ASAP3: variants seen among roughly 807,000 people sequenced by gnomAD.
ASAP3 encodes arf-GAP with SH3 domain, ANK repeat and PH domain-containing protein 3.
Under a neutral mutation model 118.2 loss-of-function variants are expected in ASAP3, and 85 were observed. That is an observed-to-expected ratio of 0.72 (90% CI 0.60 to 0.86). The LOEUF is 0.86. Ranked by LOEUF, ASAP3 falls within the 40% of genes least tolerant of loss-of-function variation. The pLI, the probability that ASAP3 is intolerant of heterozygous loss-of-function variation, is 0.00. For missense variants in ASAP3, 1,026 were observed against 1,175.0 expected, an observed-to-expected ratio of 0.87 and a Z score of 1.85; for synonymous variants, 432 against 477.4, an observed-to-expected ratio of 0.90 and a Z score of 1.24.
chr1:23,450,261 G>A (rs1641172551), intron 5 of ASAP3, among the ~76,000 whole-genome samples: 1 of 152,042 alleles, frequency 6.6e-6, no homozygotes. Flanking sequence ...TTATGAGTAG[G>A]GACAAATATT....
chr1:23,463,605 T>A (rs555114878), intron 1 of ASAP3, among the ~76,000 whole-genome samples: 38 of 152,324 alleles, frequency 2.5e-4, no homozygotes, highest in African/African-American at 9.1e-4. Context: ...TTTATTTTTT[T>A]ATTTTTTTAT....
At chr1:23,440,859 A>G (rs1301848415) in intron 10 of ASAP3, among the ~76,000 whole-genome samples, 3 of 149,900 alleles carry the variant, frequency 2.0e-5, no homozygotes, top group Admixed American at 6.6e-5. Flanking sequence ...CTATCTCAAA[A>G]AAAAAAAAAA....
chr1:23,475,869 C>A (rs1558188166), intron 1 of ASAP3, among the ~76,000 whole-genome samples: 1 of 152,140 alleles, frequency 6.6e-6, no homozygotes, highest in Non-Finnish European at 1.5e-5. Context: ...ACGAGGATTG[C>A]TTAAGCCCAG....
intron 3 of ASAP3, among the ~76,000 whole-genome samples, chr1:23,454,260 C>T (rs1000370553): frequency 4.7e-5 from 7 of 150,294 alleles, no homozygotes; most frequent in Admixed American, 3.3e-4. Context: ...GATCTCAGCT[C>T]ACTGCCACCT....
intron 1 of ASAP3, among the ~76,000 whole-genome samples, chr1:23,465,835 T>C (rs991600483): frequency 6.6e-6 from 1 of 152,056 alleles, no homozygotes; most frequent in African/African-American, 2.4e-5. Context: ...ACTAGCCAAA[T>C]CCAGGGCCAA....
chr1:23,447,141 G>C (rs1641072181), intron 5 of ASAP3, among the ~76,000 whole-genome samples: 1 of 152,204 alleles, frequency 6.6e-6, no homozygotes, highest in African/African-American at 2.4e-5. Context: ...GTTCAGTCCA[G>C]GTTCCTAACA....
chr1:23,457,733 A>ACAC (rs1641433603), intron 1 of ASAP3, among the ~76,000 whole-genome samples: 1 of 152,132 alleles, frequency 6.6e-6, no homozygotes, highest in South Asian at 2.1e-4. Context: ...GGTTGGTCTC[A>ACAC]AACTCCTGAC....
intron 1 of ASAP3, among the ~76,000 whole-genome samples, chr1:23,456,527 G>A (rs1241133198): frequency 6.6e-6 from 1 of 152,200 alleles, no homozygotes; most frequent in South Asian, 2.1e-4. Context: ...AGTAGCTGGT[G>A]TGTCCGTTAG....
intron 23 of ASAP3, 41 bp downstream of exon 23, chr1:23,431,655 C>A: frequency 6.7e-7 from 1 of 1,496,428 alleles, no homozygotes; most frequent in South Asian, 1.4e-5. Flanking sequence ...TCAGAGAAGT[C>A]AGGGGATTTG....
In ASAP3 at chr1:23,430,022, ATAAAT is replaced by A. The variant is rs1458344103; in HGVS notation, c.2638-97_2638-93del. ...CAGTTTCACATCTGTCCTATTGTAG[ATAAAT>A]TAAATTATTCTCATTTTACAGACAA... On this transcript the variant is annotated intron_variant, in intron 24 of 24. Coordinates refer to ENST00000336689, the MANE Select transcript of ASAP3 (RefSeq NM_017707.4). The A allele has an allele frequency of 7.6e-6, 8 of 1,048,782 alleles. No individual in the cohort carries two copies. The African/African-American group carries it at 8.1e-5, about 11-fold the overall frequency. The allele number at this position is 1,048,782 out of a possible 1,614,324, so 65.0% of individuals were successfully genotyped here. A position where few individuals can be genotyped will look rare whatever the true frequency, so the allele number is the denominator to read the frequency against.
chr1:23,442,635 C>A (rs985539055), intron 5 of ASAP3, 23 bp from the exon 6 acceptor site: 3 of 1,610,554 alleles, frequency 1.9e-6, no homozygotes, highest in Middle Eastern at 1.6e-4. Flanking sequence ...GAAAGAGAAG[C>A]CTGAACAAGT....
rs1343138857 is a variant in ASAP3, at chr1:23,456,193, A to G, written c.131T>C (p.Ile44Thr). 7 of 1,613,952 alleles carry G rather than the reference A, an allele frequency of 4.3e-6. No individual in the cohort carries two copies. In the South Asian group the frequency reaches 7.7e-5, roughly 18 times the overall value. The change falls in exon 2 of 25, where the codon ATC becomes ACC. Residue 44 changes from isoleucine (I) to threonine (T), a missense_variant and splice_region_variant. Coordinates refer to ENST00000336689, the MANE Select transcript of ASAP3 (RefSeq NM_017707.4). ...YRGAALAREE[I>T]LEGDQAILQR... ...CAGGATGGCTTGGTCTCCTTCCAAGATCTGGAAGCAAATGTGGACAGAGGT... is the reference window on the plus strand; with the variant it reads ...CAGGATGGCTTGGTCTCCTTCCAAGGTCTGGAAGCAAATGTGGACAGAGGT...
rs747173999 is a variant in ASAP3, at chr1:23,437,409, CG to C, written c.1151+14del. ...CACCCACAAGGCTGGCCGGGCTGGC[CG>C]AGGGGGCACTCACGCCTCACACTCG... On this transcript the variant is annotated intron_variant, in intron 13 of 24. Coordinates refer to ENST00000336689, the MANE Select transcript of ASAP3 (RefSeq NM_017707.4). This position sits in a 1 kb window ranked among gnomAD's most constrained non-coding sequence, Gnocchi z 6.1. The C allele has an allele frequency of 5.0e-6, 8 of 1,613,450 alleles. No homozygotes were observed. Among genetic ancestry groups the C allele is most frequent in the Middle Eastern group, 3.3e-4 (2 of 6,060 alleles).
At chr1:23,480,384 C>T (rs966051732) in intron 1 of ASAP3, among the ~76,000 whole-genome samples, 2 of 152,156 alleles carry the variant, frequency 1.3e-5, no homozygotes. Flanking sequence ...CCAATATGCT[C>T]TCTTCCCACC....
At chr1:23,445,745 G>A (rs1641028185) in intron 5 of ASAP3, among the ~76,000 whole-genome samples, 1 of 152,170 alleles carries the variant, frequency 6.6e-6, no homozygotes, top group Non-Finnish European at 1.5e-5. Flanking sequence ...GGCTGAGGTG[G>A]GAGGATCATT....
chr1:23,477,376 CAAAAAA>C (rs11367585), intron 1 of ASAP3, among the ~76,000 whole-genome samples: 1 of 64,700 alleles, frequency 1.5e-5, no homozygotes, highest in Admixed American at 2.1e-4. Flanking sequence ...GACTCCATCT[CAAAAAA>C]AAAAAAAAAA....
At chr1:23,481,004 G>A (rs961102116) in intron 1 of ASAP3, among the ~76,000 whole-genome samples, 17 of 152,172 alleles carry the variant, frequency 1.1e-4, no homozygotes, top group African/African-American at 4.1e-4. Flanking sequence ...AGTTACGTAG[G>A]GAGGACAGAC....
Position 23,437,537 on chromosome 1 carries a change from G to A in ASAP3, c.1103-65C>T. Reference sequence around the variant, plus strand: ...TGCTGGCCTTCCCGGAGCCCAGGGAGCCCCCACCAAAGCCGCTGGGGCCAC... The same window carrying A: ...TGCTGGCCTTCCCGGAGCCCAGGGAACCCCCACCAAAGCCGCTGGGGCCAC... On this transcript the variant is annotated intron_variant, in intron 12 of 24. Coordinates refer to ENST00000336689, the MANE Select transcript of ASAP3 (RefSeq NM_017707.4). This position sits in a 1 kb window ranked among gnomAD's most constrained non-coding sequence, Gnocchi z 6.1. The A allele has an allele frequency of 1.9e-6, 3 of 1,597,814 alleles. No homozygotes were observed. Among genetic ancestry groups the A allele is most frequent in the South Asian group, 2.2e-5 (2 of 89,466 alleles).
chr1:23,442,373 T>C, intron 6 of ASAP3, 102 bp from the exon 7 acceptor site: 2 of 1,572,050 alleles, frequency 1.3e-6, no homozygotes, highest in East Asian at 2.3e-5. Context: ...TGGCTGCGAC[T>C]GGGCCTTGGT....
Sources: gnomAD v4.1 joint callset for allele counts (sites outside exome capture counted in the v4.1 genomes callset) on GRCh38, gnomAD v4.1.1 for gene constraint, Gnocchi (gnomAD v3.1) non-coding constraint, MANE v1.5 for transcripts, NCBI Gene and HGNC (gene_info 2026-07-23, HGNC 2026-07-21) for gene names.